Variants in STK3 observed in about 807,000 individuals in gnomAD.
STK3 encodes serine/threonine kinase 3.
In STK3, 41 loss-of-function variants were observed where a neutral mutation model predicts 58.0. That is an observed-to-expected ratio of 0.71 (90% CI 0.55 to 0.92). The LOEUF (loss-of-function observed/expected upper bound fraction) is 0.92. STK3 is among the 40% of genes least tolerant of loss of function. STK3 has a pLI of 0.00. For missense variants in STK3, 479 were observed against 602.7 expected (o/e 0.79, Z 2.15); for synonymous variants, 170 against 191.0 (o/e 0.89, Z 0.91).
At chr8:98,907,827 AT>A (rs1449642253) in intron 1 of STK3, among the ~76,000 whole-genome samples, 2 of 152,188 alleles carry the variant, frequency 1.3e-5, no homozygotes, top group Non-Finnish European at 2.9e-5. Flanking sequence ...CATAACTTGC[AT>A]TTAGTTGATA....
chr8:98,473,421 G>GT (rs970601141), intron 10 of STK3, among the ~76,000 whole-genome samples: 23 of 152,076 alleles, frequency 1.5e-4, no homozygotes, highest in African/African-American at 5.5e-4. Flanking sequence ...AACTTTTATT[G>GT]TTTTTTCTTA....
At chr8:98,905,265 G>A in intron 1 of STK3, 1 of 832,164 alleles carries the variant, frequency 1.2e-6, no homozygotes, top group East Asian at 2.4e-5. Context: ...GAAACTCTGT[G>A]TTGTCAAGGC....
intron 3 of STK3, among the ~76,000 whole-genome samples, chr8:98,858,664 C>A (rs527545034): frequency 2.0e-5 from 3 of 151,602 alleles, no homozygotes; most frequent in African/African-American, 7.3e-5. Context: ...GAGGCCAAGG[C>A]GGGTGGATCA....
chr8:98,726,217 G>C (rs1376096243), intron 4 of STK3, among the ~76,000 whole-genome samples: 1 of 152,114 alleles, frequency 6.6e-6, no homozygotes, highest in African/African-American at 2.4e-5. Context: ...GAATAACAAA[G>C]GTGAAAACTG....
chr8:98,528,022 C>G (rs1825876722), intron 9 of STK3, among the ~76,000 whole-genome samples: 1 of 152,176 alleles, frequency 6.6e-6, no homozygotes, highest in Non-Finnish European at 1.5e-5. Flanking sequence ...TCAGACTCCT[C>G]CCTTCCCACC....
At chr8:98,533,364 T>G (rs958725306) in intron 9 of STK3, among the ~76,000 whole-genome samples, 63 of 152,224 alleles carry the variant, frequency 4.1e-4, no homozygotes, top group African/African-American at 1.5e-3. Context: ...TAATCTCTGA[T>G]TAAATGAATG....
the STK3 span, among the ~76,000 whole-genome samples, chr8:98,364,627 T>C: frequency 6.6e-6 from 1 of 152,218 alleles, no homozygotes; most frequent in African/African-American, 2.4e-5. Flanking sequence ...AGGACTTGGA[T>C]TCCTTTAGCT....
At chr8:98,457,255 G>A (rs1389848071) in intron 10 of STK3, among the ~76,000 whole-genome samples, 1 of 152,162 alleles carries the variant, frequency 6.6e-6, no homozygotes, top group African/African-American at 2.4e-5. Flanking sequence ...TCCAAGTAGT[G>A]ATCTTGCATC....
intron 8 of STK3, among the ~76,000 whole-genome samples, chr8:98,564,755 A>G (rs756145972): frequency 2.2e-4 from 34 of 152,146 alleles, no homozygotes; most frequent in Middle Eastern, 3.2e-3. Flanking sequence ...ATCGTTATAT[A>G]TCAATTTTTT....
Position 98,755,092 on chromosome 8 carries a change from C to A in STK3, c.237-5702G>T, listed in dbSNP as rs531406247. On this transcript the variant is annotated intron_variant, in intron 3 of 10. Coordinates refer to ENST00000419617, the MANE Select transcript of STK3 (RefSeq NM_006281.4). ...TTCTCTTCAAAAAAATAATTCATGG[C>A]CCATCTAACACCCACGTAAGTAGAT... Among the ~76,000 whole-genome samples, 4 of 152,276 alleles carry A rather than the reference C, an allele frequency of 2.6e-5. No individual in the cohort carries two copies. In the South Asian group the frequency reaches 8.3e-4, roughly 32 times the overall value.
chr8:98,457,510 A>G (rs1215631165), intron 10 of STK3, among the ~76,000 whole-genome samples: 5 of 152,202 alleles, frequency 3.3e-5, no homozygotes, highest in African/African-American at 1.2e-4. Flanking sequence ...CTAAATTTCT[A>G]TGTAACACTC....
At chr8:98,491,001 T>G (rs945704322) in intron 10 of STK3, among the ~76,000 whole-genome samples, 4 of 152,206 alleles carry the variant, frequency 2.6e-5, no homozygotes, top group Non-Finnish European at 5.9e-5. Flanking sequence ...ATTTTTTTCC[T>G]TTATGTTGTC....
At chr8:98,477,002 G>A (rs762002668) in intron 10 of STK3, among the ~76,000 whole-genome samples, 2 of 152,176 alleles carry the variant, frequency 1.3e-5, no homozygotes, top group Admixed American at 6.5e-5. Flanking sequence ...TGAAATTCCC[G>A]TGTGAAAGAC....
chr8:98,666,011 A>C (rs1822330081), intron 6 of STK3, among the ~76,000 whole-genome samples: 1 of 152,082 alleles, frequency 6.6e-6, no homozygotes, highest in South Asian at 2.1e-4. Flanking sequence ...CCCCATCCTG[A>C]TTTTTAAGGA....
intron 3 of STK3, among the ~76,000 whole-genome samples, chr8:98,424,264 C>T (rs1481807316): frequency 6.6e-6 from 1 of 152,272 alleles, no homozygotes; most frequent in Non-Finnish European, 1.5e-5. Context: ...TCCAAGTTCA[C>T]TCTGCCATTC....
chr8:98,629,222 A>C (rs1818985091), intron 6 of STK3, among the ~76,000 whole-genome samples: 1 of 152,218 alleles, frequency 6.6e-6, no homozygotes, highest in Non-Finnish European at 1.5e-5. Context: ...CTAGACACAG[A>C]AGAAAAAAAT....
intron 1 of STK3, among the ~76,000 whole-genome samples, chr8:98,822,808 C>G (rs1438520040): frequency 6.6e-6 from 1 of 152,198 alleles, no homozygotes; most frequent in Non-Finnish European, 1.5e-5. Flanking sequence ...GCAGGTGGAT[C>G]ATCTGAGGTC....
downstream of STK3, among the ~76,000 whole-genome samples, chr8:98,398,189 G>A (rs540316875): frequency 5.3e-5 from 8 of 152,306 alleles, no homozygotes; most frequent in African/African-American, 1.9e-4. Flanking sequence ...CTCTTACAGT[G>A]GTTGGGGTGG....
intron 10 of STK3, among the ~76,000 whole-genome samples, chr8:98,514,494 A>C (rs1824771374): frequency 6.6e-6 from 1 of 151,988 alleles, no homozygotes; most frequent in East Asian, 1.9e-4. Context: ...CTATTCTTTA[A>C]GTTCAAGCAT....
Sources: gnomAD v4.1 joint callset for allele counts (sites outside exome capture counted in the v4.1 genomes callset) on GRCh38, gnomAD v4.1.1 for gene constraint, MANE v1.5 for transcripts, NCBI Gene and HGNC (gene_info 2026-07-23, HGNC 2026-07-21) for gene names.